TBC1D22A: variants seen among roughly 807,000 people sequenced by gnomAD.
TBC1D22A encodes the protein putative GTPase activator.
A neutral mutation model predicts 60.2 loss-of-function variants in TBC1D22A; 38 were observed. The ratio of observed to expected loss-of-function variants is 0.63; its 90% confidence interval spans 0.49 to 0.83. TBC1D22A has a LOEUF of 0.83. Ranked by LOEUF, TBC1D22A falls within the 40% of genes least tolerant of loss-of-function variation. TBC1D22A has a pLI of 0.00. For synonymous variants in TBC1D22A, 302 were observed against 281.7 expected (o/e 1.07, Z -0.72); for missense variants, 628 against 701.0 (o/e 0.90, Z 1.18).
intron 4 of TBC1D22A, among the ~76,000 whole-genome samples, chr22:46,847,936 TGTGTGTGTGTGTGTGTGTGCGC>T (rs1357023480): frequency 8.9e-5 from 11 of 124,218 alleles, no homozygotes; most frequent in Admixed American, 8.5e-4. Context: ...TGTGTGTGTG[TGTGTGTGTGTGTGTGTGTGCGC>T]GCGCGCACGC....
intron 12 of TBC1D22A, among the ~76,000 whole-genome samples, chr22:47,145,266 TC>T (rs1213584527): frequency 6.6e-6 from 1 of 152,154 alleles, no homozygotes; most frequent in African/African-American, 2.4e-5. Context: ...CTCGGCGTCA[TC>T]CTTTACGTGC....
At chr22:47,152,250 G>A (rs1204266935) in intron 12 of TBC1D22A, among the ~76,000 whole-genome samples, 2 of 152,242 alleles carry the variant, frequency 1.3e-5, no homozygotes, top group Admixed American at 6.5e-5. Context: ...TCAGTCATGC[G>A]TTCAAAACAA....
At position 47,057,723 on chromosome 22, in the gene TBC1D22A, C is replaced by T. The variant is rs114666814; in HGVS notation, c.1329+20525C>T. On this transcript the variant is annotated intron_variant, in intron 11 of 12. Coordinates refer to ENST00000337137, the MANE Select transcript of TBC1D22A (RefSeq NM_014346.5). ...AGATCTCATGAGACTTACTCACTATCGCGAGAATAGCACAGGAAAACCATT... is the reference window on the plus strand; with the variant it reads ...AGATCTCATGAGACTTACTCACTATTGCGAGAATAGCACAGGAAAACCATT... Among the ~76,000 whole-genome samples the T allele has an allele frequency of 7.8e-3, 1,183 of 152,286 alleles. 7 individuals are homozygous for T. Among genetic ancestry groups the T allele is most frequent in the Middle Eastern group, 0.034 (10 of 294 alleles).
intron 4 of TBC1D22A, among the ~76,000 whole-genome samples, chr22:46,825,433 A>G (rs1310359800): frequency 1.3e-5 from 2 of 152,096 alleles, no homozygotes; most frequent in Admixed American, 1.3e-4. Context: ...CTCCCTTCAT[A>G]TGAATTATAT....
intron 8 of TBC1D22A, among the ~76,000 whole-genome samples, chr22:46,951,919 C>G (rs1414814486): frequency 6.6e-6 from 1 of 152,230 alleles, no homozygotes; most frequent in Non-Finnish European, 1.5e-5. Context: ...GGTCTCCTTT[C>G]ATCTTGCAGG....
rs574535654 is a variant in TBC1D22A, at chr22:47,134,301, CCT to C, written c.1425+22702_1425+22703del. On this transcript the variant is annotated intron_variant, in intron 12 of 12. Coordinates refer to ENST00000337137, the MANE Select transcript of TBC1D22A (RefSeq NM_014346.5). ...ATCCTGGGTCTTATTAAAACATCTC[CCT>C]CTCAGCTGTCACATTTTCCCACTTT... Among the ~76,000 whole-genome samples, 50 of 152,326 alleles carry C rather than the reference CCT, an allele frequency of 3.3e-4. No individual in the cohort carries two copies. In the South Asian group the frequency reaches 0.01, roughly 31 times the overall value.
chr22:46,876,252 A>G (rs1040719568), intron 4 of TBC1D22A, among the ~76,000 whole-genome samples: 1 of 152,166 alleles, frequency 6.6e-6, no homozygotes, highest in African/African-American at 2.4e-5. Context: ...CATTGTATCT[A>G]CAGATTGTTC....
chr22:46,822,099 G>A (rs1038279651), intron 4 of TBC1D22A, among the ~76,000 whole-genome samples: 7 of 152,064 alleles, frequency 4.6e-5, no homozygotes, highest in African/African-American at 1.4e-4. Context: ...GGTCATTTAT[G>A]TTCCTCTCTA....
intron 11 of TBC1D22A, among the ~76,000 whole-genome samples, chr22:47,080,624 AAT>A (rs1017686404): frequency 2.3e-4 from 27 of 117,178 alleles, no homozygotes; most frequent in Non-Finnish European, 2.1e-4. Context: ...TACCTGTAAA[AAT>A]ATATATATAT....
chr22:46,806,795 C>A (rs974090993), intron 4 of TBC1D22A, among the ~76,000 whole-genome samples: 1 of 152,168 alleles, frequency 6.6e-6, no homozygotes, highest in Admixed American at 6.5e-5. Flanking sequence ...AGGTGAGTGC[C>A]TGTGGCTGGT....
chr22:47,139,464 G>A (rs999887296), intron 12 of TBC1D22A, among the ~76,000 whole-genome samples: 1 of 152,218 alleles, frequency 6.6e-6, no homozygotes, highest in Non-Finnish European at 1.5e-5. Flanking sequence ...TCAGGGGCTG[G>A]TCGGGGCGGC....
At chr22:47,022,415 C>T (rs2062121905) in intron 10 of TBC1D22A, among the ~76,000 whole-genome samples, 1 of 152,076 alleles carries the variant, frequency 6.6e-6, no homozygotes, top group Admixed American at 6.5e-5. Flanking sequence ...TCAGGAGGCA[C>T]CTGCAGGTCT....
Position 46,793,516 on chromosome 22 carries a change from G to T in TBC1D22A, c.135G>T (p.Thr45=). ...PLLHGTLLRS[T]AKMPTTPVKA... ...TGCATTGCAGTTTGCTCAGGTCCAC[G>T]GCCAAGATGCCGACCACACCAGTGA... The change falls in exon 3 of 13, where the codon ACG becomes ACT. Residue 45 remains threonine (T), a synonymous_variant. Coordinates refer to ENST00000337137, the MANE Select transcript of TBC1D22A (RefSeq NM_014346.5). 6.2e-7 allele frequency: 1 copy of T among 1,614,148 alleles called. No homozygotes were observed. Among genetic ancestry groups the T allele is most frequent in the Non-Finnish European group, 8.5e-7 (1 of 1,180,030 alleles).
chr22:46,886,608 TG>T (rs1487237737), intron 5 of TBC1D22A, among the ~76,000 whole-genome samples: 10 of 152,202 alleles, frequency 6.6e-5, no homozygotes, highest in African/African-American at 2.2e-4. Context: ...TAATTGACAT[TG>T]TTAGCTGATG....
rs574447217 is a variant in TBC1D22A, at chr22:46,843,243, G to T, written c.638-35410G>T. ...GCTTCTGTTGTTACGAGCATTCGGT[G>T]TACTAATACAGTAATACAAACCACC... On this transcript the variant is annotated intron_variant, in intron 4 of 12. Coordinates refer to ENST00000337137, the MANE Select transcript of TBC1D22A (RefSeq NM_014346.5). Among the ~76,000 whole-genome samples, 199 of 152,256 alleles carry T rather than the reference G, an allele frequency of 1.3e-3. 1 individual carries two copies. Among genetic ancestry groups the T allele is most frequent in the Non-Finnish European group, 2.4e-3 (166 of 68,020 alleles).
chr22:46,810,865 G>C (rs1185417949), intron 4 of TBC1D22A, among the ~76,000 whole-genome samples: 1 of 152,182 alleles, frequency 6.6e-6, no homozygotes, highest in Non-Finnish European at 1.5e-5. Flanking sequence ...ATTCCTCCTG[G>C]GAGATAGGAG....
At chr22:46,794,548 A>G (rs114715392) in intron 3 of TBC1D22A, among the ~76,000 whole-genome samples, 2 of 152,158 alleles carry the variant, frequency 1.3e-5, no homozygotes, top group African/African-American at 4.8e-5. Context: ...GGCCGCGGGT[A>G]CTGTTTTCAG....
rs1023561994 is a variant in TBC1D22A, at chr22:47,174,476, T to A, written c.*850T>A. ...GCAGACGGGCAGGGGGTCGCGTCCCTGTCATCAAAGCCCTGAACCACAGTG... is the reference window on the plus strand; with the variant it reads ...GCAGACGGGCAGGGGGTCGCGTCCCAGTCATCAAAGCCCTGAACCACAGTG... On this transcript the variant is annotated 3_prime_UTR_variant, in exon 13 of 13. Transcript: ENST00000337137. 5.3e-5 allele frequency: 8 copies of A among 152,252 alleles called. No homozygotes were observed. The highest frequency in any genetic ancestry group is 1.9e-4 in the African/African-American group (8 of 41,454). The allele number at this position is 152,252 out of a possible 1,614,324, so 9.4% of individuals were successfully genotyped here.
At chr22:47,139,043 G>C (rs1001649962) in intron 12 of TBC1D22A, among the ~76,000 whole-genome samples, 2 of 152,250 alleles carry the variant, frequency 1.3e-5, no homozygotes, top group Non-Finnish European at 2.9e-5. Context: ...CAGGAGGCCA[G>C]CCCTCGCTCT....
Sources: allele counts gnomAD v4.1 joint callset (sites outside exome capture counted in the v4.1 genomes callset), GRCh38; gene constraint gnomAD v4.1.1; transcripts MANE v1.5; gene names NCBI Gene and HGNC (gene_info 2026-07-23, HGNC 2026-07-21).